RBFOX1: variants seen among roughly 807,000 people sequenced by gnomAD.
RBFOX1 encodes RNA binding fox-1 homolog 1.
In RBFOX1, 8 loss-of-function variants were observed where a neutral mutation model predicts 57.7. The observed-to-expected ratio is 0.14, with a 90% CI of 0.08 to 0.25. The LOEUF is 0.25. RBFOX1 is among the 10% of genes least tolerant of loss of function. RBFOX1 has a pLI of 1.00. For missense variants in RBFOX1, 611 were observed against 548.5 expected, an observed-to-expected ratio of 1.11 and a Z score of -1.14; for synonymous variants, 326 against 222.4, an observed-to-expected ratio of 1.47 and a Z score of -4.15.
chr16:7,451,146 A>C (rs1032000713), intron 4 of RBFOX1, among the ~76,000 whole-genome samples: 3 of 152,138 alleles, frequency 2.0e-5, no homozygotes, highest in African/African-American at 4.8e-5. Context: ...GAAAACATCC[A>C]GCTTTCTGGG....
Position 6,257,480 on chromosome 16 carries a change from C to T in RBFOX1, c.-126-59515C>T, listed in dbSNP as rs145748906. On this transcript the variant is annotated intron_variant, in intron 1 of 15. Transcript: ENST00000550418. ...CGTGCAGGTTTGTTACATAGGTACA[C>T]TTTTGTCCTGGGGGTTTGTCGTACA... is the stretch of plus-strand genomic sequence containing the variant. Among the ~76,000 whole-genome samples the T allele has an allele frequency of 2.7e-3, 413 of 151,942 alleles. 9 individuals carry two copies. The highest frequency in any genetic ancestry group is 0.026 in the Admixed American group (398 of 15,260).
At chr16:6,588,685 TGCATTTTTTGGTCTTC>T (rs2097666378) in intron 2 of RBFOX1, among the ~76,000 whole-genome samples, 2 of 152,196 alleles carry the variant, frequency 1.3e-5, no homozygotes, top group Non-Finnish European at 2.9e-5. Flanking sequence ...CCTTCCTCCC[TGCATTTTTTGGTCTTC>T]TATGATGTTG....
At chr16:5,255,390 A>G (rs1347764646) in intron 1 of RBFOX1, among the ~76,000 whole-genome samples, 6 of 151,622 alleles carry the variant, frequency 4.0e-5, no homozygotes, top group African/African-American at 1.5e-4. Flanking sequence ...CCAGACATGC[A>G]TACATCCATC....
intron 2 of RBFOX1, among the ~76,000 whole-genome samples, chr16:6,453,279 C>A (rs1159964445): frequency 6.6e-6 from 1 of 152,108 alleles, no homozygotes; most frequent in Non-Finnish European, 1.5e-5. Flanking sequence ...CACCCCTTGA[C>A]AGGCCCCGGT....
chr16:5,635,547 C>A (rs1264352423), intron 3 of RBFOX1, among the ~76,000 whole-genome samples: 1 of 152,188 alleles, frequency 6.6e-6, no homozygotes, highest in East Asian at 1.9e-4. Flanking sequence ...AAATATGTAT[C>A]CCATACAGAT....
chr16:5,842,782 C>T (rs761434230), intron 3 of RBFOX1, among the ~76,000 whole-genome samples: 4 of 152,114 alleles, frequency 2.6e-5, no homozygotes, highest in African/African-American at 7.2e-5. Flanking sequence ...GTGTACCAAT[C>T]GCTTTGACCA....
At chr16:6,472,354 C>G (rs1325724908) in intron 2 of RBFOX1, among the ~76,000 whole-genome samples, 1 of 152,188 alleles carries the variant, frequency 6.6e-6, no homozygotes, top group Non-Finnish European at 1.5e-5. Flanking sequence ...AGAGCCATCC[C>G]TAGAAGATGG....
At chr16:7,648,908 C>G (rs1377978304) in intron 11 of RBFOX1, among the ~76,000 whole-genome samples, 1 of 152,126 alleles carries the variant, frequency 6.6e-6, no homozygotes, top group Non-Finnish European at 1.5e-5. Context: ...CATACTCTTT[C>G]AAAATCTGGT....
chr16:5,248,227 C>T (rs1056928045), intron 1 of RBFOX1, among the ~76,000 whole-genome samples: 5 of 152,182 alleles, frequency 3.3e-5, no homozygotes, highest in Non-Finnish European at 4.4e-5. Context: ...ATTAACATTT[C>T]CCCCAAGTTT....
chr16:5,341,661 A>G (rs1302493720), intron 1 of RBFOX1, among the ~76,000 whole-genome samples: 1 of 152,212 alleles, frequency 6.6e-6, no homozygotes, highest in East Asian at 1.9e-4. Flanking sequence ...CCATCTTGAA[A>G]TAATGATCCA....
At chr16:7,386,019 G>A (rs926875791) in intron 4 of RBFOX1, among the ~76,000 whole-genome samples, 1 of 151,520 alleles carries the variant, frequency 6.6e-6, no homozygotes, top group African/African-American at 2.4e-5. Flanking sequence ...TCGAACTCCT[G>A]ACCTCGTGAA....
intron 4 of RBFOX1, among the ~76,000 whole-genome samples, chr16:7,159,027 C>T (rs1046504853): frequency 6.6e-6 from 1 of 151,926 alleles, no homozygotes; most frequent in Admixed American, 6.6e-5. Context: ...CACCCCTACC[C>T]CCGTCCCTAC....
At chr16:6,575,482 T>G (rs1413955914) in intron 2 of RBFOX1, among the ~76,000 whole-genome samples, 1 of 152,176 alleles carries the variant, frequency 6.6e-6, no homozygotes, top group Non-Finnish European at 1.5e-5. Flanking sequence ...CATAAAAGCA[T>G]CACTGATCTT....
At chr16:5,976,248 A>C (rs2060060223) in intron 4 of RBFOX1, among the ~76,000 whole-genome samples, 1 of 152,236 alleles carries the variant, frequency 6.6e-6, no homozygotes, top group African/African-American at 2.4e-5. Flanking sequence ...AGTAGCAAGT[A>C]GCATACAAGA....
At chr16:7,096,591 T>G (rs1261367625) in intron 4 of RBFOX1, among the ~76,000 whole-genome samples, 1 of 152,048 alleles carries the variant, frequency 6.6e-6, no homozygotes, top group South Asian at 2.1e-4. Context: ...TCCAACCCTG[T>G]GTAAAATATT....
intron 3 of RBFOX1, among the ~76,000 whole-genome samples, chr16:6,929,650 C>G (rs778566202): frequency 1.1e-4 from 16 of 152,110 alleles, no homozygotes; most frequent in Non-Finnish European, 1.0e-4. Context: ...TAGGGATTCT[C>G]AGAGTTATAT....
chr16:6,662,133 G>C (rs920279329), intron 3 of RBFOX1, among the ~76,000 whole-genome samples: 1 of 19,544 alleles, frequency 5.1e-5, no homozygotes, highest in Non-Finnish European at 1.4e-4. Context: ...GGCTGGGGGC[G>C]GGGTGAAAAA....
chr16:5,347,994 C>CCCAT (rs977412632), intron 1 of RBFOX1, among the ~76,000 whole-genome samples: 7 of 146,596 alleles, frequency 4.8e-5, no homozygotes, highest in African/African-American at 1.8e-4. Flanking sequence ...CATCTACCTG[C>CCCAT]CCATCCATCC....
At chr16:7,571,285 C>T (rs889668680) in intron 5 of RBFOX1, among the ~76,000 whole-genome samples, 1 of 152,154 alleles carries the variant, frequency 6.6e-6, no homozygotes. Context: ...CGCAGGTGGC[C>T]TCAGTCTTGT....
Sources: gnomAD v4.1 joint callset for allele counts (sites outside exome capture counted in the v4.1 genomes callset) on GRCh38, gnomAD v4.1.1 for gene constraint, MANE v1.5 for transcripts, NCBI Gene and HGNC (gene_info 2026-07-23, HGNC 2026-07-21) for gene names.